ACACB: variants seen among roughly 807,000 people sequenced by gnomAD.
The protein encoded by ACACB is acetyl-CoA carboxylase 2.
A neutral mutation model predicts 278.8 loss-of-function variants in ACACB; 209 were observed. That is an observed-to-expected ratio of 0.75 (90% confidence interval 0.67 to 0.84). The LOEUF is 0.84. Among genes scored for constraint, ACACB ranks in the 40% least tolerant of loss-of-function variants. The probability of loss-of-function intolerance (pLI) is 0.00; values close to 1 mark genes in which losing one functional copy is unlikely to be tolerated. For missense variants in ACACB, 2,850 were observed against 3,269.0 expected (o/e 0.87, Z 3.13); for synonymous variants, 1,174 against 1,285.6 (o/e 0.91, Z 1.86).
intron 4 of ACACB, among the ~76,000 whole-genome samples, chr12:109,171,366 A>G (rs1326157945): frequency 8.1e-6 from 1 of 122,728 alleles, no homozygotes; most frequent in African/African-American, 3.5e-5. Context: ...TTTTTTTTTT[A>G]TTAGACAGAG....
At chr12:109,145,392 G>T (rs141165751) in intron 2 of ACACB, among the ~76,000 whole-genome samples, 1 of 152,106 alleles carries the variant, frequency 6.6e-6, no homozygotes, top group African/African-American at 2.4e-5. Context: ...GGGCTTTTAC[G>T]AGCCATTGCT....
At chr12:109,112,915 T>C (rs2042337438), upstream of ACACB, among the ~76,000 whole-genome samples, 1 of 152,184 alleles carries the variant, frequency 6.6e-6, no homozygotes, top group Non-Finnish European at 1.5e-5. Context: ...CCGTGGGAAC[T>C]GCTCAACAAC....
At chr12:109,190,808 G>T (rs2044849082) in intron 13 of ACACB, among the ~76,000 whole-genome samples, 1 of 151,406 alleles carries the variant, frequency 6.6e-6, no homozygotes, top group Admixed American at 6.6e-5. Flanking sequence ...TAAAATTTTT[G>T]TAGAGATGGC....
upstream of ACACB, among the ~76,000 whole-genome samples, chr12:109,114,480 G>A (rs1404426032): frequency 6.6e-6 from 1 of 152,004 alleles, no homozygotes; most frequent in Non-Finnish European, 1.5e-5. Context: ...TCTCACAGAG[G>A]GTCCGGTTTG....
chr12:109,175,807 T>C, intron 7 of ACACB, 124 bp from the exon 8 acceptor site: 1 of 718,918 alleles, frequency 1.4e-6, no homozygotes, highest in Non-Finnish European at 2.4e-6. Flanking sequence ...AGGGAGTGTC[T>C]GTATTCCGCT....
At chr12:109,265,078 T>C in intron 50 of ACACB, 32 bp from the exon 51 acceptor site, 1 of 1,582,570 alleles carries the variant, frequency 6.3e-7, no homozygotes, top group Non-Finnish European at 8.6e-7. Context: ...CCTCCTTCCC[T>C]TTCCGGGGAT....
chr12:109,184,115 C>T (rs1002271913), intron 11 of ACACB, among the ~76,000 whole-genome samples: 1 of 151,180 alleles, frequency 6.6e-6, no homozygotes. Flanking sequence ...TGCAGTGGTG[C>T]GATCTTGGCT....
At chr12:109,171,970 G>A (rs2044132971) in intron 5 of ACACB, 56 bp downstream of exon 5, 1 of 1,422,682 alleles carries the variant, frequency 7.0e-7, no homozygotes, top group Non-Finnish European at 9.9e-7. Flanking sequence ...ATGCCCCTAG[G>A]TTCTAGTTCA....
chr12:109,117,667 T>C (rs1276606765), intron 1 of ACACB, among the ~76,000 whole-genome samples: 1 of 152,232 alleles, frequency 6.6e-6, no homozygotes, highest in Non-Finnish European at 1.5e-5. Context: ...TGATTACTTT[T>C]ATTTTTTAAT....
chr12:109,240,246 C>CT (rs2046756324), intron 35 of ACACB, among the ~76,000 whole-genome samples: 1 of 152,144 alleles, frequency 6.6e-6, no homozygotes, highest in Admixed American at 6.5e-5. Flanking sequence ...AAATTTTGTC[C>CT]TTTCCCTGGT....
At chr12:109,214,137 C>T (rs2045927043) in intron 22 of ACACB, among the ~76,000 whole-genome samples, 1 of 151,900 alleles carries the variant, frequency 6.6e-6, no homozygotes, top group African/African-American at 2.4e-5. Context: ...TGGTGTGTAC[C>T]TATAGGCCCA....
Position 109,216,638 on chromosome 12 carries a change from G to A in ACACB, c.3371G>A (p.Gly1124Asp), listed in dbSNP as rs1255975590. 12 of 1,614,090 alleles carry A rather than the reference G, an allele frequency of 7.4e-6. No homozygotes were observed. The highest frequency in any genetic ancestry group is 2.2e-5 in the East Asian group (1 of 44,902). ...CCCAGATACCGCAGCGGGATCCGCG[G>A]CTATATGAAAACAGTGGTGTTGGAT... ...LVQRYRSGIR[G>D]YMKTVVLDLL... Residue 1124 changes from glycine to aspartate, a missense_variant, in exon 23 of 53, where the codon GGC (glycine) becomes GAC (aspartate). Gly to Asp is a moderately conservative substitution (Grantham distance 94, BLOSUM62 -1). This residue lies in a region of ACACB where 2,265 missense variants were observed against 2,561.3 expected (regional missense o/e 0.88). Coordinates refer to ENST00000338432, the MANE Select transcript of ACACB (RefSeq NM_001093.4).
At chr12:109,133,861 A>ATTTT (rs1236378780) in intron 1 of ACACB, among the ~76,000 whole-genome samples, 1 of 46,352 alleles carries the variant, frequency 2.2e-5, no homozygotes, top group African/African-American at 8.5e-5. Flanking sequence ...ATATATATAT[A>ATTTT]TATTTTTTTT....
At chr12:109,201,872 G>A (rs1236555451) in intron 19 of ACACB, among the ~76,000 whole-genome samples, 171 bp downstream of exon 19, 5 of 152,070 alleles carry the variant, frequency 3.3e-5, no homozygotes, top group East Asian at 1.9e-4. Context: ...AGGAAGCCGC[G>A]CCCTGCTTTA....
At chr12:109,249,932 T>G (rs1473802031) in intron 40 of ACACB, 52 bp from the exon 41 acceptor site, 1 of 1,560,938 alleles carries the variant, frequency 6.4e-7, no homozygotes, top group African/African-American at 1.4e-5. Flanking sequence ...TGCATCCACC[T>G]TGGATTTTTT....
intron 2 of ACACB, among the ~76,000 whole-genome samples, chr12:109,161,200 C>T (rs894449041): frequency 1.3e-5 from 2 of 152,142 alleles, no homozygotes; most frequent in East Asian, 3.9e-4. Context: ...CAGTCAGATT[C>T]GCTTTTCATT....
At chr12:109,169,468 G>C (rs2136173569) in intron 4 of ACACB, among the ~76,000 whole-genome samples, 1 of 152,286 alleles carries the variant, frequency 6.6e-6, no homozygotes, top group South Asian at 2.1e-4. Flanking sequence ...TCCCATCTTG[G>C]TTAGTCTAAA....
chr12:109,158,891 C>G (rs2043629721), intron 2 of ACACB, among the ~76,000 whole-genome samples: 1 of 152,222 alleles, frequency 6.6e-6, no homozygotes, highest in Non-Finnish European at 1.5e-5. Flanking sequence ...AGGAGAATCA[C>G]TTGAACCTGA....
intron 2 of ACACB, among the ~76,000 whole-genome samples, chr12:109,159,810 C>G (rs906216613): frequency 6.6e-6 from 1 of 152,056 alleles, no homozygotes; most frequent in African/African-American, 2.4e-5. Flanking sequence ...GCACTCAGGG[C>G]TGGGCGCGGT....
Sources: allele counts gnomAD v4.1 joint callset (sites outside exome capture counted in the v4.1 genomes callset), GRCh38; gene constraint gnomAD v4.1.1; regional missense constraint gnomAD v4.1.1; transcripts MANE v1.5; gene names NCBI Gene and HGNC (gene_info 2026-07-23, HGNC 2026-07-21).